The following HDAC9 variants were observed in gnomAD, a reference collection of about 807,000 sequenced individuals.
HDAC9 encodes the protein histone deacetylase 9.
In HDAC9, 41 loss-of-function variants were observed where a neutral mutation model predicts 139.4. The ratio of observed to expected loss-of-function variants is 0.29; its 90% CI spans 0.23 to 0.38. The LOEUF (loss-of-function observed/expected upper bound fraction) is 0.38, where lower values mean the gene tolerates loss of function less well. Among genes scored for constraint, HDAC9 ranks in the 10% least tolerant of loss-of-function variants. The pLI, the probability that HDAC9 is intolerant of heterozygous loss-of-function variation, is 1.00. For synonymous variants in HDAC9, 517 were observed against 476.2 expected (o/e 1.09, Z -1.12); for missense variants, 1,147 against 1,297.0 (o/e 0.88, Z 1.78).
In HDAC9 at chr7:18,667,312, A is replaced by C. The variant is rs1795115943; in HGVS notation, c.1731+836A>C. ...AATATTGTGTCTACAATTGCAAAAA[A>C]CACAGTAACAGGATGAATATTATCT... On this transcript the variant is annotated intron_variant, in intron 12 of 25. Transcript: ENST00000686413. The C allele has an allele frequency of 5.1e-6, 5 of 984,982 alleles. No individual in the cohort carries two copies. In the South Asian group the frequency reaches 1.9e-4, roughly 37 times the overall value. 61.0% of individuals were successfully genotyped at this position (984,982 alleles called of 1,614,324 possible). A position where few individuals can be genotyped will look rare whatever the true frequency, so the allele number is the denominator to read the frequency against.
At chr7:18,960,894 G>A (rs901001708) in intron 24 of HDAC9, among the ~76,000 whole-genome samples, 2 of 151,996 alleles carry the variant, frequency 1.3e-5, no homozygotes, top group East Asian at 1.9e-4. Context: ...TTGTTGGGGG[G>A]TGGGGGAAGT....
chr7:18,091,780 T>C (rs115165460), intron 1 of HDAC9, among the ~76,000 whole-genome samples: 3,072 of 152,272 alleles, frequency 0.02, 95 homozygotes, highest in African/African-American at 0.07. Context: ...TCTTTTCTAT[T>C]ATTGGCAGAA....
At chr7:18,680,400 A>G (rs569580890) in intron 12 of HDAC9, among the ~76,000 whole-genome samples, 2 of 152,156 alleles carry the variant, frequency 1.3e-5, no homozygotes, top group East Asian at 3.9e-4. Context: ...TTTAGTTGGT[A>G]TAGAAATGTG....
At chr7:18,773,906 C>A (rs1439509888) in intron 16 of HDAC9, among the ~76,000 whole-genome samples, 1 of 152,062 alleles carries the variant, frequency 6.6e-6, no homozygotes, top group Non-Finnish European at 1.5e-5. Flanking sequence ...ACTGATGTGT[C>A]ATTATTGGAT....
chr7:18,609,001 G>GTTA (rs1253742207), intron 6 of HDAC9, among the ~76,000 whole-genome samples: 1 of 152,146 alleles, frequency 6.6e-6, no homozygotes, highest in Middle Eastern at 3.4e-3. Flanking sequence ...ACATTAAGAT[G>GTTA]TTATTATTAT....
chr7:18,815,236 G>T (rs1794476908), intron 17 of HDAC9, among the ~76,000 whole-genome samples: 1 of 150,836 alleles, frequency 6.6e-6, no homozygotes, highest in Admixed American at 6.6e-5. Context: ...TGCATACTTG[G>T]GCCATATTTA....
intron 21 of HDAC9, among the ~76,000 whole-genome samples, chr7:18,861,177 C>T (rs1471068792): frequency 2.0e-5 from 3 of 152,078 alleles, no homozygotes; most frequent in East Asian, 1.9e-4. Context: ...TGCTTTTATA[C>T]AATAATGACT....
intron 1 of HDAC9, among the ~76,000 whole-genome samples, chr7:18,382,457 A>G (rs927357048): frequency 6.6e-6 from 1 of 152,256 alleles, no homozygotes; most frequent in African/African-American, 2.4e-5. Flanking sequence ...TATTTCAAGG[A>G]ACAGGGTCGT....
chr7:18,886,013 CAT>C (rs1585224346), intron 22 of HDAC9, among the ~76,000 whole-genome samples: 1 of 152,132 alleles, frequency 6.6e-6, no homozygotes, highest in East Asian at 1.9e-4. Flanking sequence ...AGAGTTCACT[CAT>C]ATATATTTAA....
chr7:18,568,109 C>A (rs1823069227), intron 2 of HDAC9, among the ~76,000 whole-genome samples: 1 of 148,104 alleles, frequency 6.8e-6, no homozygotes, highest in African/African-American at 2.5e-5. Context: ...CTATGTATGT[C>A]TTTCGCTATA....
At chr7:18,430,649 A>C (rs968689967) in intron 1 of HDAC9, 6 of 152,194 alleles carry the variant, frequency 3.9e-5, no homozygotes, top group African/African-American at 1.2e-4. Flanking sequence ...TGTGAGGCCA[A>C]GATGGGTAGA....
chr7:18,134,620 A>G (rs914362551), intron 1 of HDAC9, among the ~76,000 whole-genome samples: 1 of 152,306 alleles, frequency 6.6e-6, no homozygotes, highest in Non-Finnish European at 1.5e-5. Flanking sequence ...GAACAACATT[A>G]TTACTCATTC....
chr7:18,313,088 A>G (rs1484429735), intron 1 of HDAC9, among the ~76,000 whole-genome samples: 1 of 152,138 alleles, frequency 6.6e-6, no homozygotes, highest in Non-Finnish European at 1.5e-5. Context: ...TTTCAAGACA[A>G]TTCTGGGAAC....
chr7:18,892,800 C>T (rs556361818), intron 22 of HDAC9, among the ~76,000 whole-genome samples: 1 of 152,056 alleles, frequency 6.6e-6, no homozygotes, highest in East Asian at 1.9e-4. Flanking sequence ...TTGTTTTTGT[C>T]CCAGACATAA....
At chr7:18,552,461 C>G in intron 2 of HDAC9, among the ~76,000 whole-genome samples, 1 of 152,038 alleles carries the variant, frequency 6.6e-6, no homozygotes, top group South Asian at 2.1e-4. Flanking sequence ...CACTAGAAGC[C>G]TAATGAAATG....
At chr7:18,204,857 A>G (rs747706190) in intron 2 of HDAC9, among the ~76,000 whole-genome samples, 5 of 152,050 alleles carry the variant, frequency 3.3e-5, no homozygotes, top group South Asian at 4.1e-4. Context: ...TACCATGACT[A>G]TTACTTTTCT....
chr7:18,626,887 C>T (rs1841866284), intron 6 of HDAC9, among the ~76,000 whole-genome samples: 1 of 152,134 alleles, frequency 6.6e-6, no homozygotes. Flanking sequence ...TGATTGCAGA[C>T]ACTCAGCCCC....
chr7:18,476,295 A>G (rs1302486784), intron 1 of HDAC9, among the ~76,000 whole-genome samples: 1 of 152,164 alleles, frequency 6.6e-6, no homozygotes, highest in Non-Finnish European at 1.5e-5. Flanking sequence ...TAGTAGATTC[A>G]ATCCTAATGA....
chr7:18,278,688 TG>T (rs1229807425), intron 2 of HDAC9, among the ~76,000 whole-genome samples: 3 of 152,174 alleles, frequency 2.0e-5, no homozygotes, highest in Admixed American at 6.6e-5. Context: ...ACTTTTTTTT[TG>T]TTTTAAATTG....
Sources: allele counts gnomAD v4.1 joint callset (sites outside exome capture counted in the v4.1 genomes callset), GRCh38; gene constraint gnomAD v4.1.1; transcripts MANE v1.5; gene names NCBI Gene and HGNC (gene_info 2026-07-23, HGNC 2026-07-21).